Variants in XKR6 observed in about 807,000 individuals in gnomAD.
The protein encoded by XKR6 is XK related 6, also known as XK-related protein 6.
XKR6 carries 22 observed loss-of-function variants against 56.7 expected under a neutral mutation model. The observed-to-expected ratio is 0.39, with a 90% CI of 0.28 to 0.55. The LOEUF is 0.55. Ranked by LOEUF, XKR6 falls within the 20% of genes least tolerant of loss-of-function variation. XKR6 has a pLI of 0.66. For missense variants in XKR6, 852 were observed against 889.0 expected, an observed-to-expected ratio of 0.96 and a Z score of 0.53; for synonymous variants, 524 against 387.8, an observed-to-expected ratio of 1.35 and a Z score of -4.13.
chr8:10,993,677 C>T (rs560894388), intron 1 of XKR6, among the ~76,000 whole-genome samples: 101 of 152,330 alleles, frequency 6.6e-4, no homozygotes, highest in African/African-American at 2.3e-3. Flanking sequence ...GCTCACCCGA[C>T]ACTGGGAGCC....
At chr8:11,089,491 G>A (rs1797997235) in intron 1 of XKR6, among the ~76,000 whole-genome samples, 2 of 152,176 alleles carry the variant, frequency 1.3e-5, no homozygotes, top group African/African-American at 4.8e-5. Flanking sequence ...AAAAAAAATA[G>A]CAGGGTGTAT....
intron 1 of XKR6, among the ~76,000 whole-genome samples, chr8:11,006,195 G>T (rs1481936911): frequency 6.6e-6 from 1 of 152,168 alleles, no homozygotes; most frequent in Non-Finnish European, 1.5e-5. Flanking sequence ...ATTAATTGGT[G>T]ATTGATTCAC....
At chr8:10,985,539 T>C (rs1455516204) in intron 1 of XKR6, among the ~76,000 whole-genome samples, 1 of 151,174 alleles carries the variant, frequency 6.6e-6, no homozygotes, top group Non-Finnish European at 1.5e-5. Flanking sequence ...ACTTCTTTCT[T>C]GCTCAAAAAT....
At chr8:10,954,866 C>CCTTTTTTTTTTTTTTTTTTT (rs1554515116) in intron 1 of XKR6, among the ~76,000 whole-genome samples, 1 of 92,794 alleles carries the variant, frequency 1.1e-5, no homozygotes, top group African/African-American at 4.3e-5. Flanking sequence ...ACTTCATTCT[C>CCTTTTTTTTTTTTTTTTTTT]TTTTTTTTTT....
chr8:11,023,181 C>T (rs985606808), intron 1 of XKR6, among the ~76,000 whole-genome samples: 2 of 152,230 alleles, frequency 1.3e-5, no homozygotes, highest in African/African-American at 2.4e-5. Context: ...AGGGCCCTCC[C>T]TCCATGTCCC....
At chr8:11,053,251 G>T (rs949544655) in intron 1 of XKR6, among the ~76,000 whole-genome samples, 2 of 152,182 alleles carry the variant, frequency 1.3e-5, no homozygotes, top group African/African-American at 4.8e-5. Flanking sequence ...AGATGGCAAG[G>T]GCTAGGGGCA....
chr8:10,922,553 G>A (rs1346365701), intron 2 of XKR6, among the ~76,000 whole-genome samples: 1 of 152,224 alleles, frequency 6.6e-6, no homozygotes, highest in African/African-American at 2.4e-5. Flanking sequence ...CAATCATCAT[G>A]TGAGTCTCCT....
At chr8:11,122,736 T>C (rs959235004) in intron 1 of XKR6, among the ~76,000 whole-genome samples, 2 of 152,356 alleles carry the variant, frequency 1.3e-5, no homozygotes, top group Non-Finnish European at 1.5e-5. Flanking sequence ...TCACTGTCAA[T>C]CTGTTAGCAT....
chr8:11,146,643 T>G (rs559837778), intron 1 of XKR6, among the ~76,000 whole-genome samples: 1 of 147,912 alleles, frequency 6.8e-6, no homozygotes, highest in African/African-American at 2.5e-5. Context: ...AAAAAAACAC[T>G]AACAAAATGG....
chr8:10,938,274 G>A (rs1392380628), intron 1 of XKR6, among the ~76,000 whole-genome samples: 4 of 152,112 alleles, frequency 2.6e-5, no homozygotes, highest in Admixed American at 6.5e-5. Context: ...CACGGTGCGC[G>A]CACCCACTGG....
chr8:11,084,074 T>A (rs1440148502), intron 1 of XKR6, among the ~76,000 whole-genome samples: 3 of 152,276 alleles, frequency 2.0e-5, no homozygotes, highest in African/African-American at 7.2e-5. Context: ...CACAACCGCA[T>A]GGCTTTGGAT....
intron 1 of XKR6, among the ~76,000 whole-genome samples, chr8:11,173,350 A>ATATATAT (rs1554478587): frequency 2.8e-5 from 4 of 142,848 alleles, no homozygotes; most frequent in African/African-American, 8.2e-5. Flanking sequence ...CCTTAAAAAA[A>ATATATAT]ATATATATAT....
At chr8:10,973,988 T>A (rs1038944529) in intron 1 of XKR6, among the ~76,000 whole-genome samples, 4 of 152,352 alleles carry the variant, frequency 2.6e-5, no homozygotes, top group Admixed American at 2.0e-4. Flanking sequence ...AGTTTTTTTT[T>A]AAGTGGGAAA....
chr8:11,026,321 G>T (rs1798861367), intron 1 of XKR6, among the ~76,000 whole-genome samples: 1 of 151,222 alleles, frequency 6.6e-6, no homozygotes, highest in Non-Finnish European at 1.5e-5. Flanking sequence ...CACCTAGATG[G>T]TCTAGCCTAC....
At chr8:11,042,771 G>T (rs1452237788) in intron 1 of XKR6, among the ~76,000 whole-genome samples, 1 of 150,794 alleles carries the variant, frequency 6.6e-6, no homozygotes, top group African/African-American at 2.5e-5. Flanking sequence ...GATTTTCCCA[G>T]ATCTGGGATG....
chr8:11,110,211 G>A (rs1387281465), intron 1 of XKR6, among the ~76,000 whole-genome samples: 3 of 152,148 alleles, frequency 2.0e-5, no homozygotes, highest in African/African-American at 7.2e-5. Context: ...GACCTCAAGT[G>A]CTCAGCCCAC....
At chr8:10,912,380 G>A (rs1426997847) in intron 2 of XKR6, among the ~76,000 whole-genome samples, 3 of 130,250 alleles carry the variant, frequency 2.3e-5, no homozygotes, top group African/African-American at 8.4e-5. Flanking sequence ...TATATAGAGA[G>A]AAGGTGAGTA....
intron 1 of XKR6, among the ~76,000 whole-genome samples, chr8:11,072,335 G>C (rs1347216068): frequency 8.7e-5 from 13 of 149,082 alleles, no homozygotes; most frequent in South Asian, 2.2e-4. Context: ...CCCCCTCTCT[G>C]TTTTGGTAAG....
chr8:11,117,484 A>G (rs963021662), intron 1 of XKR6, among the ~76,000 whole-genome samples: 1 of 152,158 alleles, frequency 6.6e-6, no homozygotes, highest in African/African-American at 2.4e-5. Flanking sequence ...CGGCGTGGAG[A>G]CAGCGGCTGG....
Sources: gnomAD v4.1 joint callset for allele counts (sites outside exome capture counted in the v4.1 genomes callset) on GRCh38, gnomAD v4.1.1 for gene constraint, MANE v1.5 for transcripts, NCBI Gene and HGNC (gene_info 2026-07-23, HGNC 2026-07-21) for gene names.